Variants in TAF3 observed in about 807,000 individuals in gnomAD.
TAF3 encodes transcription initiation factor TFIID subunit 3.
TAF3 carries 7 observed loss-of-function variants against 80.6 expected under a neutral mutation model. That is an observed-to-expected ratio of 0.09 (90% confidence interval 0.05 to 0.16). The LOEUF (loss-of-function observed/expected upper bound fraction) is 0.16, where lower values mean the gene tolerates loss of function less well. Among genes scored for constraint, TAF3 ranks in the 10% least tolerant of loss-of-function variants. The pLI, the probability that TAF3 is intolerant of heterozygous loss-of-function variation, is 1.00. For synonymous variants in TAF3, 444 were observed against 446.1 expected (o/e 1.00, Z 0.06); for missense variants, 921 against 1,140.2 (o/e 0.81, Z 2.77).
chr10:7,824,364 G>C lies in TAF3; in HGVS notation c.213G>C (p.Gln71His). Reference sequence around the variant, plus strand: ...TGGATGATGTTGGTGAAGCTTTCCAGCTGATGGGGGTTAGTCTACATGAAC... The same window carrying C: ...TGGATGATGTTGGTGAAGCTTTCCACCTGATGGGGGTTAGTCTACATGAAC... ...PILDDVGEAF[Q>H]LMGVSLHELE... The change falls in exon 2 of 7, where the codon CAG (glutamine) becomes CAC (histidine). Residue 71 changes from glutamine to histidine, a missense_variant. By Grantham distance (24) the Gln-to-His change is conservative (BLOSUM62 0). This residue lies in a region of TAF3 where 106 missense variants were observed against 191.8 expected (regional missense o/e 0.55). Transcript: ENST00000344293. 6.2e-7 allele frequency: 1 copy of C among 1,614,118 alleles called. No individual in the cohort carries two copies. The highest frequency in any genetic ancestry group is 2.2e-5 in the East Asian group (1 of 44,878).
At chr10:7,883,835 T>C (rs920297104) in intron 2 of TAF3, among the ~76,000 whole-genome samples, 3 of 152,212 alleles carry the variant, frequency 2.0e-5, no homozygotes, top group African/African-American at 7.2e-5. Context: ...GGAATTTATC[T>C]CTTATGGTTA....
intron 4 of TAF3, among the ~76,000 whole-genome samples, chr10:7,994,689 G>C (rs571816335): frequency 4.6e-5 from 7 of 151,820 alleles, no homozygotes; most frequent in African/African-American, 1.7e-4. Context: ...TCTTGGCCAG[G>C]CACAGTGGCC....
intron 2 of TAF3, among the ~76,000 whole-genome samples, chr10:7,863,674 T>C (rs4373822): frequency 0.074 from 2,629 of 35,630 alleles, 723 homozygotes; most frequent in South Asian, 0.27. Flanking sequence ...TATACACACA[T>C]ATATATATAT....
At chr10:8,003,168 T>C (rs1831959913) in intron 4 of TAF3, among the ~76,000 whole-genome samples, 1 of 152,168 alleles carries the variant, frequency 6.6e-6, no homozygotes, top group Non-Finnish European at 1.5e-5. Flanking sequence ...ATCTACCTTA[T>C]TATTTTGTGC....
chr10:7,922,774 T>G (rs1837777013), intron 2 of TAF3, among the ~76,000 whole-genome samples: 1 of 152,128 alleles, frequency 6.6e-6, no homozygotes, highest in South Asian at 2.1e-4. Context: ...TTTCAAGCGA[T>G]GTTAGAATAC....
chr10:7,898,386 A>C (rs1837526306), intron 2 of TAF3, among the ~76,000 whole-genome samples: 1 of 151,998 alleles, frequency 6.6e-6, no homozygotes, highest in African/African-American at 2.4e-5. Context: ...GTCTCTACAA[A>C]AATACAAAAA....
chr10:7,900,123 C>T (rs1837544647), intron 2 of TAF3, among the ~76,000 whole-genome samples: 2 of 152,342 alleles, frequency 1.3e-5, no homozygotes, highest in South Asian at 4.1e-4. Flanking sequence ...ATAAAATCCA[C>T]TGACTGCTAC....
At chr10:7,915,076 GA>G (rs1262492335) in intron 2 of TAF3, among the ~76,000 whole-genome samples, 1 of 151,426 alleles carries the variant, frequency 6.6e-6, no homozygotes, top group Non-Finnish European at 1.5e-5. Context: ...GAGTAGCTGG[GA>G]CTACAGGTGC....
At chr10:7,855,833 G>C (rs1837073376) in intron 2 of TAF3, among the ~76,000 whole-genome samples, 1 of 151,920 alleles carries the variant, frequency 6.6e-6, no homozygotes, top group Non-Finnish European at 1.5e-5. Context: ...TGTAATCCCA[G>C]CTCTCAGGGA....
intron 2 of TAF3, among the ~76,000 whole-genome samples, chr10:7,929,896 A>G (rs1837852711): frequency 6.6e-6 from 1 of 152,174 alleles, no homozygotes. Flanking sequence ...ACATGTCTGT[A>G]TAAGTATTCA....
intron 2 of TAF3, among the ~76,000 whole-genome samples, chr10:7,956,800 A>G (rs992550547): frequency 5.3e-5 from 8 of 152,248 alleles, no homozygotes; most frequent in African/African-American, 1.7e-4. Flanking sequence ...TATTTGAAGT[A>G]TAGCATTCAC....
Position 7,919,527 on chromosome 10 carries a change from C to A in TAF3, c.410-44393C>A, listed in dbSNP as rs987344929. 3.9e-5 allele frequency among the ~76,000 whole-genome samples: 6 copies of A among 152,240 alleles called. No homozygotes were observed. In the East Asian group the frequency reaches 9.6e-4, roughly 24 times the overall value. On this transcript the variant is annotated intron_variant, in intron 2 of 6. Transcript: ENST00000344293. The stretch of plus-strand genomic sequence containing the variant: ...TAAATGATAATATGCATACAGAGCA[C>A]CAGTGGGAACGGGGTTATAGTACGG...
intron 2 of TAF3, among the ~76,000 whole-genome samples, chr10:7,883,228 C>G (rs1837378007): frequency 1.3e-5 from 2 of 152,236 alleles, no homozygotes; most frequent in Admixed American, 1.3e-4. Flanking sequence ...GTTCTTCAAT[C>G]TAGAACAGTT....
chr10:7,845,865 T>G (rs1422319014), intron 2 of TAF3, among the ~76,000 whole-genome samples: 1 of 152,206 alleles, frequency 6.6e-6, no homozygotes, highest in South Asian at 2.1e-4. Flanking sequence ...TCTATTTGTT[T>G]CTTTTCAAAT....
intron 2 of TAF3, among the ~76,000 whole-genome samples, chr10:7,886,751 C>G (rs1157033886): frequency 6.6e-6 from 1 of 152,206 alleles, no homozygotes; most frequent in Non-Finnish European, 1.5e-5. Flanking sequence ...AACATGACCT[C>G]TGCCTTCAAG....
chr10:7,995,874 C>T (rs1051218270), intron 4 of TAF3, among the ~76,000 whole-genome samples: 2 of 152,084 alleles, frequency 1.3e-5, no homozygotes, highest in Non-Finnish European at 2.9e-5. Flanking sequence ...TAAGGAATAA[C>T]GATTGACTTG....
intron 2 of TAF3, among the ~76,000 whole-genome samples, chr10:7,920,301 T>C (rs1837750824): frequency 1.4e-5 from 1 of 71,784 alleles, no homozygotes. Context: ...TAAACATACG[T>C]GTGTGTGTGT....
intron 2 of TAF3, among the ~76,000 whole-genome samples, chr10:7,911,435 C>A (rs1392047680): frequency 6.6e-6 from 1 of 152,226 alleles, no homozygotes; most frequent in Non-Finnish European, 1.5e-5. Context: ...AGTCCTCTGC[C>A]ACATGGCAGA....
chr10:7,840,123 A>G (rs1318018499), intron 2 of TAF3, among the ~76,000 whole-genome samples: 1 of 152,108 alleles, frequency 6.6e-6, no homozygotes, highest in Non-Finnish European at 1.5e-5. Flanking sequence ...TAAATTAACA[A>G]AGTAATTCTA....
Sources: allele counts gnomAD v4.1 joint callset (sites outside exome capture counted in the v4.1 genomes callset), GRCh38; gene constraint gnomAD v4.1.1; regional missense constraint gnomAD v4.1.1; transcripts MANE v1.5; gene names NCBI Gene and HGNC (gene_info 2026-07-23, HGNC 2026-07-21).